Variants in PIK3R2 observed in about 807,000 individuals in gnomAD.
PIK3R2 encodes the protein phosphatidylinositol 3-kinase regulatory subunit beta.
A neutral mutation model predicts 78.5 loss-of-function variants in PIK3R2; 40 were observed. The observed-to-expected ratio is 0.51, with a 90% CI of 0.40 to 0.66. The LOEUF is 0.66. PIK3R2 is among the 30% of genes least tolerant of loss of function. The pLI is 0.00. For missense variants in PIK3R2, 880 were observed against 1,026.6 expected, an observed-to-expected ratio of 0.86 and a Z score of 1.95; for synonymous variants, 473 against 457.7, an observed-to-expected ratio of 1.03 and a Z score of -0.43.
rs753655968 is a variant in PIK3R2 at position 18,156,143 on chromosome 19, T to C, written c.264T>C (p.Pro88=). Residue 88 remains proline, a synonymous_variant, in exon 2 of 16, where the codon CCT becomes CCC. Transcript: ENST00000222254. The surrounding 1 kb of genome is among the most constrained non-coding windows in gnomAD (Gnocchi z 4.2). Reference sequence around the variant, plus strand: ...CCGTGGCCCTGGCCCGGCCCGGCCCTCGCCCACGGGGCCCCCGCCCACTGC... The same window carrying C: ...CCGTGGCCCTGGCCCGGCCCGGCCCCCGCCCACGGGGCCCCCGCCCACTGC... The part of the protein sequence containing the change: ...LGPVALARPG[P]RPRGPRPLPA... 9.5e-6 allele frequency: 14 copies of C among 1,477,358 alleles called. No homozygotes were observed. In the East Asian group the frequency reaches 3.4e-4, roughly 36 times the overall value. The allele number at this position is 1,477,358 out of a possible 1,614,324, so 91.5% of individuals were successfully genotyped here.
rs575106640 is a variant in PIK3R2, at chr19:18,168,296, C to T, written c.1737-179C>T. Among the ~76,000 whole-genome samples, 34 of 152,276 alleles carry T rather than the reference C, an allele frequency of 2.2e-4. No individual in the cohort carries two copies. Among genetic ancestry groups the T allele is most frequent in the African/African-American group, 7.5e-4 (31 of 41,558 alleles). On this transcript the variant is annotated intron_variant, in intron 13 of 15. Coordinates refer to ENST00000222254, the MANE Select transcript of PIK3R2 (RefSeq NM_005027.4). The surrounding 1 kb of genome is among the most constrained non-coding windows in gnomAD (Gnocchi z 4.1). ...GTCAGGGTTCCCCAGCAGAGCTGGG[C>T]GAGCCACCCTGGGTTCAGGCTGCCC...
intron 1 of PIK3R2, among the ~76,000 whole-genome samples, chr19:18,154,749 C>G (rs1335286030): frequency 1.3e-5 from 2 of 152,002 alleles, no homozygotes; most frequent in African/African-American, 4.8e-5. Flanking sequence ...TGCTCTGAGC[C>G]TCAGTTTCCC....
Position 18,162,388 on chromosome 19 carries a change from A to G in PIK3R2, c.1011-20A>G, listed in dbSNP as rs1159313458. The G allele has an allele frequency of 1.9e-6, 3 of 1,611,138 alleles. No homozygotes were observed. The highest frequency in any genetic ancestry group is 2.5e-6 in the Non-Finnish European group (3 of 1,178,030). ...GGTCTCCAGGTGGCTCGGCAGTCCCAATGTTGGATGTTCCCACAGGGAGGA... is the reference window on the plus strand; with the variant it reads ...GGTCTCCAGGTGGCTCGGCAGTCCCGATGTTGGATGTTCCCACAGGGAGGA... On this transcript the variant is annotated intron_variant, in intron 8 of 15. Transcript: ENST00000222254.
chr19:18,157,018 A>C (rs2043684696), intron 2 of PIK3R2, among the ~76,000 whole-genome samples: 1 of 152,198 alleles, frequency 6.6e-6, no homozygotes, highest in Non-Finnish European at 1.5e-5. Flanking sequence ...CCCTGTGTGC[A>C]GACCGGGAGG....
chr19:18,161,213 G>T lies in PIK3R2; in HGVS notation c.598+28G>T. 6.5e-7 allele frequency: 1 copy of T among 1,534,762 alleles called. No homozygotes were observed. The highest frequency in any genetic ancestry group is 2.5e-5 in the East Asian group (1 of 40,766). ...GAGCCTGGCGGGTAGCCCGGGGGAA[G>T]GAGGGGGCTGTAGCGGGTGGGAGGG... is the stretch of plus-strand genomic sequence containing the variant. On this transcript the variant is annotated intron_variant, in intron 5 of 15. Coordinates refer to ENST00000222254, the MANE Select transcript of PIK3R2 (RefSeq NM_005027.4). This position sits in a 1 kb window ranked among gnomAD's most constrained non-coding sequence, Gnocchi z 5.3.
At position 18,161,904 on chromosome 19, in the gene PIK3R2, T is replaced by C. The variant is rs1382757254; in HGVS notation, c.816-62T>C. The C allele has an allele frequency of 2.0e-5, 27 of 1,377,172 alleles. No individual in the cohort carries two copies. Among genetic ancestry groups the C allele is most frequent in the Non-Finnish European group, 2.7e-5 (26 of 965,402 alleles). The allele number at this position is 1,377,172 out of a possible 1,614,324, so 85.3% of individuals were successfully genotyped here. On this transcript the variant is annotated intron_variant, in intron 6 of 15. Coordinates refer to ENST00000222254, the MANE Select transcript of PIK3R2 (RefSeq NM_005027.4). This position sits in a 1 kb window ranked among gnomAD's most constrained non-coding sequence, Gnocchi z 5.3. ...AGGCGTGCAAGCGCACGCACAATCC[T>C]GTGCACATGCGTGGGCGGACAGGCC...
intron 7 of PIK3R2, 33 bp downstream of exon 7, chr19:18,162,084 G>T (rs747145633): frequency 6.3e-7 from 1 of 1,594,740 alleles, no homozygotes; most frequent in Admixed American, 1.7e-5. Context: ...ATTTCTTCCC[G>T]TTGGGGGCCG....
Position 18,167,245 on chromosome 19 carries a change from C to T in PIK3R2, c.1675C>T (p.Arg559Cys), listed in dbSNP as rs781265051. The T allele has an allele frequency of 9.3e-6, 15 of 1,612,602 alleles. No individual in the cohort carries two copies. The highest frequency in any genetic ancestry group is 5.5e-5 in the South Asian group (5 of 90,764). Residue 559 changes from arginine (R) to cysteine (C), a missense_variant, in exon 13 of 16, where the codon CGC becomes TGC. Around this residue, in one of 3 missense-constraint regions of PIK3R2, gnomAD observed 268 missense variants for 299.1 expected, o/e 0.90. Transcript: ENST00000222254. This position sits in a 1 kb window ranked among gnomAD's most constrained non-coding sequence, Gnocchi z 4.5. ...QASDNREIDK[R>C]MNSLKPDLMQ... Reference sequence around the variant, plus strand: ...CTCGGACAACAGAGAGATCGACAAGCGCATGAACAGCCTCAAGCCGGACCT... The same window carrying T: ...CTCGGACAACAGAGAGATCGACAAGTGCATGAACAGCCTCAAGCCGGACCT...
Position 18,161,446 on chromosome 19 carries a change from C to T in PIK3R2, c.766C>T (p.Arg256Cys), listed in dbSNP as rs1355024673. Reference protein sequence around the residue: ...LGATFGPLLLRAPPPPSSPPP... With the variant: ...LGATFGPLLLCAPPPPSSPPP... ...CGCCACCTTTGGGCCGCTGCTGCTG[C>T]GCGCGCCGCCGCCGCCGTCCTCGCC... Residue 256 changes from arginine (R) to cysteine (C), a missense_variant, in exon 6 of 16, where the codon CGC becomes TGC. Coordinates refer to ENST00000222254, the MANE Select transcript of PIK3R2 (RefSeq NM_005027.4). The surrounding 1 kb of genome is among the most constrained non-coding windows in gnomAD (Gnocchi z 5.3). 4.2e-6 allele frequency: 5 copies of T among 1,204,758 alleles called. No individual in the cohort carries two copies. The highest frequency in any genetic ancestry group is 6.9e-5 in the East Asian group (2 of 28,784). 74.6% of individuals were successfully genotyped at this position (1,204,758 alleles called of 1,614,324 possible).
At position 18,163,252 on chromosome 19, in the gene PIK3R2, C is replaced by G. The variant is rs565676027; in HGVS notation, c.1291-11C>G. 1 of 1,613,988 alleles carries G rather than the reference C, an allele frequency of 6.2e-7. No homozygotes were observed. Among genetic ancestry groups the G allele is most frequent in the African/African-American group, 1.3e-5 (1 of 74,916 alleles). ...CTATGCATCTCCCCTCATTCCGCCA[C>G]GTATCTCCAGGACCAGATTGTCAAG... On this transcript the variant is annotated splice_polypyrimidine_tract_variant and intron_variant, in intron 10 of 15. Transcript: ENST00000222254.
Position 18,162,992 on chromosome 19 carries a change from A to G in PIK3R2, c.1135A>G (p.Lys379Glu). The G allele has an allele frequency of 1.9e-6, 3 of 1,605,744 alleles. No individual in the cohort carries two copies. Among genetic ancestry groups the G allele is most frequent in the Non-Finnish European group, 2.5e-6 (3 of 1,176,688 alleles). The change falls in exon 10 of 16, where the codon AAG becomes GAG. Residue 379 changes from lysine to glutamate, a missense_variant. This residue lies in a region of PIK3R2 where 156 missense variants were observed against 241.0 expected (regional missense o/e 0.65). Coordinates refer to ENST00000222254, the MANE Select transcript of PIK3R2 (RefSeq NM_005027.4). Reference protein sequence around the residue: ...LRKGGNNKLIKVFHRDGHYGF... With the variant: ...LRKGGNNKLIEVFHRDGHYGF... ...GAAAGGCGGGAACAATAAGCTGATC[A>G]AGGTCTTCCACCGAGATGGGCACTA...
At chr19:18,163,858 G>A (rs2043779269) in intron 11 of PIK3R2, among the ~76,000 whole-genome samples, 1 of 148,598 alleles carries the variant, frequency 6.7e-6, no homozygotes, top group South Asian at 2.1e-4. Flanking sequence ...TGGGTGGGGT[G>A]GCTCACGCCT....
At position 18,163,004 on chromosome 19, in the gene PIK3R2, C is replaced by T. The variant is rs752673598; in HGVS notation, c.1147C>T (p.Arg383Ter). The T allele has an allele frequency of 3.1e-6, 5 of 1,613,836 alleles. No individual in the cohort carries two copies. Among genetic ancestry groups the T allele is most frequent in the African/African-American group, 1.3e-5 (1 of 74,864 alleles). ...GNNKLIKVFH[R>*]DGHYGFSEPL... The stretch of plus-strand genomic sequence containing the variant: ...CAATAAGCTGATCAAGGTCTTCCAC[C>T]GAGATGGGCACTATGGCTTCTCAGA... The change falls in exon 10 of 16, where the codon CGA (arginine) becomes TGA (stop). Residue 383 changes from arginine (R) to a stop codon, truncating the protein, a stop_gained. Transcript: ENST00000222254. LOFTEE classifies it high-confidence loss of function.
rs1196555439 is a variant in PIK3R2, at chr19:18,162,217, C to T, written c.917C>T (p.Pro306Leu). The T allele has an allele frequency of 6.3e-7, 1 of 1,579,924 alleles. No homozygotes were observed. Among genetic ancestry groups the T allele is most frequent in the Non-Finnish European group, 8.7e-7 (1 of 1,151,182 alleles). Reference protein sequence around the residue: ...EVAPPALPPKPPKAKPASTVL... With the variant: ...EVAPPALPPKLPKAKPASTVL... Reference sequence around the variant, plus strand: ...TGTCCCCCAGCGCTGCCGCCTAAACCCCCCAAGGCAAAGCCGGCCTCCACA... The same window carrying T: ...TGTCCCCCAGCGCTGCCGCCTAAACTCCCCAAGGCAAAGCCGGCCTCCACA... Residue 306 changes from proline (P) to leucine (L), a missense_variant, in exon 8 of 16, where the codon CCC becomes CTC. Pro to Leu is a moderately conservative substitution (Grantham distance 98, BLOSUM62 -3). Transcript: ENST00000222254.
chr19:18,155,196 C>CAAAA (rs34249019), intron 1 of PIK3R2, among the ~76,000 whole-genome samples: 7 of 109,224 alleles, frequency 6.4e-5, no homozygotes, highest in Non-Finnish European at 5.4e-5. Context: ...GACTCTATCT[C>CAAAA]AAAAAAAAAA....
Position 18,163,292 on chromosome 19 carries a change from G to A in PIK3R2, c.1320G>A (p.Glu440=), listed in dbSNP as rs756907800. The change falls in exon 11 of 16, where the codon GAG becomes GAA. Residue 440 remains glutamate, a synonymous_variant. Transcript: ENST00000222254. ...QDQIVKEDSV[E]AVGAQLKVYH... ...AGATTGTCAAGGAGGACAGCGTGGA[G>A]GCAGTGGGCGCCCAGCTTAAGGTCT... The A allele has an allele frequency of 6.2e-7, 1 of 1,614,122 alleles. No individual in the cohort carries two copies. Among genetic ancestry groups the A allele is most frequent in the South Asian group, 1.1e-5 (1 of 91,072 alleles).
chr19:18,159,832 C>T (rs1243545518), intron 2 of PIK3R2, among the ~76,000 whole-genome samples: 1 of 152,106 alleles, frequency 6.6e-6, no homozygotes. Context: ...ACCTCCGCCT[C>T]CCGGGTTCAA....
Position 18,161,662 on chromosome 19 carries a change from C to A in PIK3R2, c.815+167C>A, listed in dbSNP as rs552647871. ...GGAGCGGAGACCTGGGCTCCTGAGT[C>A]GTGGGACAGAAGGTGAAGGGGCCTA... On this transcript the variant is annotated intron_variant, in intron 6 of 15. Transcript: ENST00000222254. This position sits in a 1 kb window ranked among gnomAD's most constrained non-coding sequence, Gnocchi z 5.3. Among the ~76,000 whole-genome samples the A allele has an allele frequency of 6.6e-6, 1 of 152,134 alleles. No homozygotes were observed. The highest frequency in any genetic ancestry group is 1.5e-5 in the Non-Finnish European group (1 of 67,992).
chr19:18,165,289 T>C (rs2043797373), intron 11 of PIK3R2, among the ~76,000 whole-genome samples: 2 of 141,030 alleles, frequency 1.4e-5, no homozygotes, highest in Admixed American at 7.9e-5. Context: ...AGCTTGAACC[T>C]GAGAGGTGGA....
Sources: gnomAD v4.1 joint callset for allele counts (sites outside exome capture counted in the v4.1 genomes callset) on GRCh38, gnomAD v4.1.1 for gene constraint, gnomAD v4.1.1 regional missense constraint, Gnocchi (gnomAD v3.1) non-coding constraint, MANE v1.5 for transcripts, NCBI Gene and HGNC (gene_info 2026-07-23, HGNC 2026-07-21) for gene names.